ARPC2: variants seen among roughly 807,000 people sequenced by gnomAD.
The protein encoded by ARPC2 is actin-related protein 2/3 complex subunit 2.
ARPC2 carries 4 observed loss-of-function variants against 38.6 expected under a neutral mutation model. That is an observed-to-expected ratio of 0.10 (90% confidence interval 0.05 to 0.24). The LOEUF is 0.24. Ranked by LOEUF, ARPC2 falls within the 10% of genes least tolerant of loss-of-function variation. The pLI is 1.00. For missense variants in ARPC2, 229 were observed against 387.3 expected, an observed-to-expected ratio of 0.59 and a Z score of 3.43; for synonymous variants, 125 against 140.8, an observed-to-expected ratio of 0.89 and a Z score of 0.79.
chr2:218,241,287 G>T (rs942619927), intron 7 of ARPC2, among the ~76,000 whole-genome samples: 4 of 152,324 alleles, frequency 2.6e-5, no homozygotes, highest in African/African-American at 7.2e-5. Flanking sequence ...TCCATCCCTA[G>T]TGGCTTTTGT....
chr2:218,232,362 CTG>C (rs1689654629), intron 4 of ARPC2, among the ~76,000 whole-genome samples: 1 of 152,174 alleles, frequency 6.6e-6, no homozygotes, highest in Admixed American at 6.5e-5. Context: ...GAGTCTCAGT[CTG>C]TTTTTTGTTG....
At chr2:218,234,035 G>A (rs555432245) in intron 4 of ARPC2, 17 of 187,240 alleles carry the variant, frequency 9.1e-5, no homozygotes, top group African/African-American at 3.8e-4. Context: ...CGGGCATGGT[G>A]GCGCATGCCT....
chr2:218,248,350 C>G (rs181298423), intron 8 of ARPC2, among the ~76,000 whole-genome samples: 66 of 152,282 alleles, frequency 4.3e-4, no homozygotes, highest in African/African-American at 1.5e-3. Flanking sequence ...AGACAACTGA[C>G]GGGGTTTTGC....
At chr2:218,252,204 CAA>C (rs1201327406) in intron 10 of ARPC2, among the ~76,000 whole-genome samples, 1 of 151,962 alleles carries the variant, frequency 6.6e-6, no homozygotes, top group East Asian at 1.9e-4. Flanking sequence ...GCCTGAGCAA[CAA>C]GAGCGAAACT....
intron 5 of ARPC2, chr2:218,236,110 C>T (rs750023495): frequency 4.0e-5 from 6 of 150,100 alleles, no homozygotes; most frequent in Non-Finnish European, 4.4e-5. Context: ...AAAAAAAGAC[C>T]GTAGAGTCTC....
intron 7 of ARPC2, 45 bp downstream of exon 7, chr2:218,239,529 T>C (rs933587323): frequency 2.2e-5 from 32 of 1,457,182 alleles, no homozygotes; most frequent in Middle Eastern, 1.7e-4. Context: ...TGGCGACTTA[T>C]ACCTTTGCAC....
At chr2:218,225,831 T>C in intron 2 of ARPC2, 89 bp from the exon 3 acceptor site, 1 of 1,250,846 alleles carries the variant, frequency 8.0e-7, no homozygotes, top group Non-Finnish European at 1.2e-6. Context: ...GGTCTGATCT[T>C]AAGTGAAGCT....
At chr2:218,233,135 G>A (rs368677878) in intron 4 of ARPC2, 3 of 151,756 alleles carry the variant, frequency 2.0e-5, no homozygotes, top group Non-Finnish European at 1.5e-5. Context: ...CTGTAGCCTG[G>A]ACTACAGAGT....
intron 4 of ARPC2, 103 bp from the exon 5 acceptor site, chr2:218,234,249 G>C: frequency 1.2e-6 from 1 of 863,850 alleles, no homozygotes; most frequent in South Asian, 1.8e-5. Flanking sequence ...TAGGAAGAAT[G>C]CCAACTTAGG....
rs768585570 is a variant in ARPC2 at position 218,230,287 on chromosome 2, C to CTTTTTTTTT, written c.222+1453_222+1461dup. On this transcript the variant is annotated intron_variant, in intron 4 of 10. Transcript: ENST00000315717. ...GTGCCCAGCCTTTTCTTTTTTTTTT[C>CTTTTTTTTT]TTTTTTTTTTTTTTTTTTTTTTTTG... 6.8e-4 allele frequency among the ~76,000 whole-genome samples: 50 copies of CTTTTTTTTT among 72,996 alleles called. 1 individual carries two copies. The highest frequency in any genetic ancestry group is 1.1e-3 in the African/African-American group (20 of 17,626). 47.9% of individuals were successfully genotyped at this position (72,996 alleles called of 152,430 possible).
chr2:218,232,671 G>A (rs1050888071), intron 4 of ARPC2, among the ~76,000 whole-genome samples: 100 of 149,854 alleles, frequency 6.7e-4, no homozygotes, highest in Non-Finnish European at 1.2e-3. Flanking sequence ...CCGGGTTCAC[G>A]CCATTCTCCC....
At chr2:218,244,397 C>G (rs1689984103) in intron 7 of ARPC2, among the ~76,000 whole-genome samples, 1 of 152,288 alleles carries the variant, frequency 6.6e-6, no homozygotes, top group African/African-American at 2.4e-5. Context: ...CTTGCCTATT[C>G]CTGTACAGTG....
chr2:218,232,698 T>C (rs191511438), intron 4 of ARPC2, among the ~76,000 whole-genome samples: 17 of 151,974 alleles, frequency 1.1e-4, no homozygotes, highest in African/African-American at 3.9e-4. Flanking sequence ...GCCTCCCAAG[T>C]AGCTGGTACT....
chr2:218,219,008 T>A (rs1025344253), intron 2 of ARPC2, among the ~76,000 whole-genome samples: 14 of 152,242 alleles, frequency 9.2e-5, no homozygotes, highest in Admixed American at 7.9e-4. Flanking sequence ...TATACTTTTT[T>A]CTGAGCAGTG....
At chr2:218,238,552 CCT>C in intron 5 of ARPC2, 110 bp from the exon 6 acceptor site, 1 of 774,674 alleles carries the variant, frequency 1.3e-6, no homozygotes, top group South Asian at 2.2e-5. Flanking sequence ...TTTTTAGTTG[CCT>C]CTAGTCTCTG....
At chr2:218,242,789 T>A (rs932801789) in intron 7 of ARPC2, among the ~76,000 whole-genome samples, 1 of 152,200 alleles carries the variant, frequency 6.6e-6, no homozygotes, top group African/African-American at 2.4e-5. Context: ...TTATGAAGTG[T>A]CTCTTTATGT....
intron 7 of ARPC2, 47 bp downstream of exon 7, chr2:218,239,531 C>T: frequency 7.1e-7 from 1 of 1,412,548 alleles, no homozygotes; most frequent in Non-Finnish European, 1.0e-6. Flanking sequence ...GCGACTTATA[C>T]CTTTGCACCC....
rs1381545028 is a variant in ARPC2, at chr2:218,238,522, A to G, written c.269-142A>G. 4 of 571,516 alleles carry G rather than the reference A, an allele frequency of 7.0e-6. No homozygotes were observed. The East Asian group carries it at 1.2e-4, about 17-fold the overall frequency. The allele number at this position is 571,516 out of a possible 1,614,324, so 35.4% of individuals were successfully genotyped here. A position where few individuals can be genotyped will look rare whatever the true frequency, so the allele number is the denominator to read the frequency against. Reference sequence around the variant, plus strand: ...GTACAGATAATGAGACAAAATGTCAATAGAACCTGAAAAAAGATTTTTTTA... The same window carrying G: ...GTACAGATAATGAGACAAAATGTCAGTAGAACCTGAAAAAAGATTTTTTTA... On this transcript the variant is annotated intron_variant, in intron 5 of 10. Coordinates refer to ENST00000315717, the MANE Select transcript of ARPC2 (RefSeq NM_152862.3).
chr2:218,236,331 T>C (rs1396171459), intron 5 of ARPC2: 1 of 152,194 alleles, frequency 6.6e-6, no homozygotes, highest in Non-Finnish European at 1.5e-5. Context: ...TCTTTTTTAA[T>C]CTAACCTTGT....
Sources: gnomAD v4.1 joint callset for allele counts (sites outside exome capture counted in the v4.1 genomes callset) on GRCh38, gnomAD v4.1.1 for gene constraint, MANE v1.5 for transcripts, NCBI Gene and HGNC (gene_info 2026-07-23, HGNC 2026-07-21) for gene names.